Variants in MB21D2 observed in about 807,000 individuals in gnomAD.
MB21D2 encodes nucleotidyltransferase MB21D2.
A neutral mutation model predicts 33.3 loss-of-function variants in MB21D2; 9 were observed. The observed-to-expected ratio is 0.27, with a 90% CI of 0.16 to 0.47. The LOEUF (loss-of-function observed/expected upper bound fraction) is 0.47. Among genes scored for constraint, MB21D2 ranks in the 20% least tolerant of loss-of-function variants. MB21D2 has a pLI of 0.99. For missense variants in MB21D2, 540 were observed against 624.6 expected, an observed-to-expected ratio of 0.86 and a Z score of 1.44; for synonymous variants, 241 against 236.3, an observed-to-expected ratio of 1.02 and a Z score of -0.18.
chr3:192,865,236 T>C (rs1330094496), intron 1 of MB21D2, among the ~76,000 whole-genome samples: 1 of 152,212 alleles, frequency 6.6e-6, no homozygotes, highest in African/African-American at 2.4e-5. Flanking sequence ...TGAGCTTTAT[T>C]CTTACAGCAA....
chr3:192,897,201 C>T (rs1454976925), intron 1 of MB21D2, among the ~76,000 whole-genome samples: 1 of 152,078 alleles, frequency 6.6e-6, no homozygotes, highest in African/African-American at 2.4e-5. Context: ...TGTTCAAAGT[C>T]GTCAAACTAG....
At chr3:192,885,987 G>A (rs1173529474) in intron 1 of MB21D2, among the ~76,000 whole-genome samples, 3 of 151,968 alleles carry the variant, frequency 2.0e-5, no homozygotes, top group African/African-American at 7.3e-5. Context: ...TGGAGATGAA[G>A]TCTCACTCTG....
chr3:192,799,603 GGT>G lies in MB21D2; in HGVS notation c.257_258del (p.Tyr86SerfsTer18). On this transcript the variant is annotated frameshift_variant, in exon 2 of 2. Coordinates refer to ENST00000392452, the MANE Select transcript of MB21D2 (RefSeq NM_178496.4). LOFTEE classifies it high-confidence loss of function. The surrounding 1 kb of genome is among the most constrained non-coding windows in gnomAD (Gnocchi z 4.1). ...LDQKLPVANE[Y>X]LLLSGGVREG... ...TCCCGGACACCTCCAGAGAGCAACA[GGT>G]ATTCATTAGCCACTGGAAGCTTTTG... The G allele has an allele frequency of 6.2e-7, 1 of 1,614,054 alleles. No individual in the cohort carries two copies. The highest frequency in any genetic ancestry group is 8.5e-7 in the Non-Finnish European group (1 of 1,179,992).
At chr3:192,818,285 C>T (rs1560229647) in intron 1 of MB21D2, among the ~76,000 whole-genome samples, 1 of 152,180 alleles carries the variant, frequency 6.6e-6, no homozygotes, top group African/African-American at 2.4e-5. Flanking sequence ...TATCTAGAAA[C>T]AGTCTGACCT....
intron 1 of MB21D2, among the ~76,000 whole-genome samples, chr3:192,806,833 T>C (rs1318449543): frequency 6.6e-6 from 1 of 152,210 alleles, no homozygotes; most frequent in African/African-American, 2.4e-5. Context: ...TCTTAAAAAT[T>C]GGTGGGCTTT....
intron 1 of MB21D2, among the ~76,000 whole-genome samples, chr3:192,860,477 A>G (rs901012981): frequency 1.3e-5 from 2 of 152,272 alleles, no homozygotes; most frequent in African/African-American, 4.8e-5. Context: ...TGCATAAAAA[A>G]TAAAGGCAGT....
intron 1 of MB21D2, among the ~76,000 whole-genome samples, chr3:192,906,989 T>C (rs187833758): frequency 6.6e-6 from 1 of 152,302 alleles, no homozygotes; most frequent in East Asian, 1.9e-4. Context: ...GGAAAAAATA[T>C]AAAATATAAA....
intron 1 of MB21D2, among the ~76,000 whole-genome samples, chr3:192,889,620 GA>G (rs1177282163): frequency 6.6e-6 from 1 of 152,036 alleles, no homozygotes; most frequent in Non-Finnish European, 1.5e-5. Context: ...ATCACAGGAA[GA>G]TTTTTTTTGT....
At chr3:192,904,236 A>C (rs1448151887) in intron 1 of MB21D2, among the ~76,000 whole-genome samples, 1 of 152,210 alleles carries the variant, frequency 6.6e-6, no homozygotes, top group Non-Finnish European at 1.5e-5. Context: ...ACAGCAGGAC[A>C]CCGGGTTCTA....
intron 1 of MB21D2, among the ~76,000 whole-genome samples, chr3:192,916,713 C>T (rs558447769): frequency 6.6e-6 from 1 of 152,180 alleles, no homozygotes; most frequent in Non-Finnish European, 1.5e-5. Flanking sequence ...CTCGGTCTCC[C>T]GGGCCTGGCT....
At chr3:192,861,681 G>A (rs1024969004) in intron 1 of MB21D2, among the ~76,000 whole-genome samples, 14 of 152,330 alleles carry the variant, frequency 9.2e-5, no homozygotes, top group African/African-American at 2.6e-4. Flanking sequence ...GCGCATGCCT[G>A]TAATCCCAGC....
In MB21D2 at chr3:192,798,874, A is replaced by G; in HGVS notation, c.988T>C (p.Tyr330His). ...LLSRPKAISP[Y>H]HLRSMMLWAC... ...CAGAGCATCATGCTCCGCAGGTGATAGGGGCTAATAGCCTTGGGCCGGGAC... is the reference window on the plus strand; with the variant it reads ...CAGAGCATCATGCTCCGCAGGTGATGGGGGCTAATAGCCTTGGGCCGGGAC... Residue 330 changes from tyrosine (Y) to histidine (H), a missense_variant, in exon 2 of 2, where the codon TAT becomes CAT. Coordinates refer to ENST00000392452, the MANE Select transcript of MB21D2 (RefSeq NM_178496.4). This position sits in a 1 kb window ranked among gnomAD's most constrained non-coding sequence, Gnocchi z 4.8. 4 of 1,613,272 alleles carry G rather than the reference A, an allele frequency of 2.5e-6. No individual in the cohort carries two copies. Among genetic ancestry groups the G allele is most frequent in the Non-Finnish European group, 3.4e-6 (4 of 1,179,656 alleles).
At chr3:192,841,043 T>C (rs370816996) in intron 1 of MB21D2, among the ~76,000 whole-genome samples, 2 of 152,368 alleles carry the variant, frequency 1.3e-5, no homozygotes, top group East Asian at 1.9e-4. Flanking sequence ...AGTAGTTGAC[T>C]GACTTAGATA....
chr3:192,852,272 C>T (rs1188414479), intron 1 of MB21D2, among the ~76,000 whole-genome samples: 4 of 152,216 alleles, frequency 2.6e-5, no homozygotes, highest in Non-Finnish European at 5.9e-5. Flanking sequence ...GGTCACTCTT[C>T]AATCGATGTA....
At chr3:192,883,421 CAT>C (rs200506638) in intron 1 of MB21D2, among the ~76,000 whole-genome samples, 1,635 of 152,100 alleles carry the variant, frequency 0.011, 49 homozygotes, top group African/African-American at 0.038. Flanking sequence ...GAGAGTAAAA[CAT>C]ATACATAAAC....
At chr3:192,878,783 G>A (rs969851914) in intron 1 of MB21D2, among the ~76,000 whole-genome samples, 11 of 152,166 alleles carry the variant, frequency 7.2e-5, no homozygotes, top group African/African-American at 2.7e-4. Context: ...GGCCAACGTC[G>A]TGAAACCTGG....
intron 1 of MB21D2, among the ~76,000 whole-genome samples, chr3:192,830,623 A>G (rs1018764346): frequency 6.6e-6 from 1 of 152,210 alleles, no homozygotes; most frequent in Non-Finnish European, 1.5e-5. Context: ...AGGAGGAGGC[A>G]AGTACATCTT....
intron 1 of MB21D2, among the ~76,000 whole-genome samples, chr3:192,805,012 G>A (rs1711633260): frequency 6.6e-6 from 1 of 152,184 alleles, no homozygotes; most frequent in African/African-American, 2.4e-5. Context: ...CTGGTTCCAA[G>A]AGGAGAAATC....
intron 1 of MB21D2, among the ~76,000 whole-genome samples, chr3:192,809,951 G>A (rs1239766341): frequency 6.6e-6 from 1 of 152,184 alleles, no homozygotes; most frequent in Non-Finnish European, 1.5e-5. Flanking sequence ...ATTCAGATGC[G>A]TAGTCTAATT....
Sources: gnomAD v4.1 joint callset for allele counts (sites outside exome capture counted in the v4.1 genomes callset) on GRCh38, gnomAD v4.1.1 for gene constraint, Gnocchi (gnomAD v3.1) non-coding constraint, MANE v1.5 for transcripts, NCBI Gene and HGNC (gene_info 2026-07-23, HGNC 2026-07-21) for gene names.